PCNX1: variants seen among roughly 807,000 people sequenced by gnomAD.
The protein encoded by PCNX1 is pecanex 1.
A neutral mutation model predicts 242.2 loss-of-function variants in PCNX1; 78 were observed. That is an observed-to-expected ratio of 0.32 (90% CI 0.27 to 0.39). The LOEUF is 0.39. Among genes scored for constraint, PCNX1 ranks in the 10% least tolerant of loss-of-function variants. The pLI, the probability that PCNX1 is intolerant of heterozygous loss-of-function variation, is 1.00. For missense variants in PCNX1, 2,581 were observed against 2,856.5 expected, an observed-to-expected ratio of 0.90 and a Z score of 2.20; for synonymous variants, 1,024 against 1,032.9, an observed-to-expected ratio of 0.99 and a Z score of 0.17.
chr14:70,983,903 T>C (rs1566658673), intron 6 of PCNX1, among the ~76,000 whole-genome samples: 1 of 151,632 alleles, frequency 6.6e-6, no homozygotes, highest in Non-Finnish European at 1.5e-5. Flanking sequence ...GGAAAAACTA[T>C]TTAGATAAAG....
intron 8 of PCNX1, among the ~76,000 whole-genome samples, chr14:71,008,604 C>T (rs868645962): frequency 3.9e-4 from 54 of 137,338 alleles, no homozygotes; most frequent in Middle Eastern, 4.1e-3. Context: ...TGCAGTGAGC[C>T]GAGATTGCGC....
At chr14:71,005,499 CTCTG>C (rs1329863125) in intron 8 of PCNX1, among the ~76,000 whole-genome samples, 3 of 147,896 alleles carry the variant, frequency 2.0e-5, no homozygotes, top group South Asian at 2.2e-4. Context: ...CAGAGTGAGT[CTCTG>C]TCTAAAAAAA....
intron 6 of PCNX1, among the ~76,000 whole-genome samples, chr14:70,982,997 T>G (rs2058884659): frequency 6.6e-6 from 1 of 152,234 alleles, no homozygotes; most frequent in Non-Finnish European, 1.5e-5. Flanking sequence ...CTTTATGTAT[T>G]GTAGGTTCAT....
intron 23 of PCNX1, among the ~76,000 whole-genome samples, chr14:71,051,168 CAAAAAAAAAAAAAAA>C (rs758181078): frequency 2.2e-4 from 9 of 41,782 alleles, no homozygotes; most frequent in African/African-American, 8.6e-4. Flanking sequence ...AACTCTGTCT[CAAAAAAAAAAAAAAA>C]AAAAAAAAAA....
intron 1 of PCNX1, among the ~76,000 whole-genome samples, chr14:70,933,987 T>C (rs1295074922): frequency 6.6e-6 from 1 of 152,206 alleles, no homozygotes. Context: ...AAGGAGATAG[T>C]GAAAGTTATC....
At chr14:71,074,990 CTT>C (rs900279128) in intron 27 of PCNX1, among the ~76,000 whole-genome samples, 1,071 of 101,078 alleles carry the variant, frequency 0.011, 10 homozygotes, top group African/African-American at 0.038. Flanking sequence ...CTTTTCTTCT[CTT>C]TTTTTTTTTT....
At position 70,962,345 on chromosome 14, in the gene PCNX1, C is replaced by T. The variant is rs1267537968; in HGVS notation, c.468+14C>T. On this transcript the variant is annotated intron_variant, in intron 3 of 35. Coordinates refer to ENST00000304743, the MANE Select transcript of PCNX1 (RefSeq NM_014982.3). ...CCAAGCAACCAGGTAGGAACCTGCG[C>T]TGTTTTATTTTGCCTTTTTCCCTCC... 2 of 1,524,252 alleles carry T rather than the reference C, an allele frequency of 1.3e-6. No individual in the cohort carries two copies. The highest frequency in any genetic ancestry group is 1.8e-6 in the Non-Finnish European group (2 of 1,098,480). 94.4% of individuals were successfully genotyped at this position (1,524,252 alleles called of 1,614,324 possible).
At chr14:70,909,783 A>G (rs1427486443) in intron 1 of PCNX1, among the ~76,000 whole-genome samples, 1 of 151,988 alleles carries the variant, frequency 6.6e-6, no homozygotes, top group African/African-American at 2.4e-5. Context: ...ACTTTCTGAG[A>G]TTGCTTCTGA....
At chr14:71,102,879 C>A (rs1191077161) in intron 31 of PCNX1, among the ~76,000 whole-genome samples, 1 of 152,100 alleles carries the variant, frequency 6.6e-6, no homozygotes, top group East Asian at 1.9e-4. Context: ...AAAATGATAG[C>A]ATACCATGTA....
At chr14:71,100,638 T>C (rs2062438087) in intron 30 of PCNX1, among the ~76,000 whole-genome samples, 1 of 152,210 alleles carries the variant, frequency 6.6e-6, no homozygotes, top group South Asian at 2.1e-4. Flanking sequence ...TCCACCTTTC[T>C]AGCAAGATTA....
intron 1 of PCNX1, among the ~76,000 whole-genome samples, chr14:70,924,582 A>C (rs1480942339): frequency 6.6e-6 from 1 of 151,982 alleles, no homozygotes; most frequent in Non-Finnish European, 1.5e-5. Flanking sequence ...TAACTAGTTT[A>C]TTCCTTTATT....
intron 1 of PCNX1, among the ~76,000 whole-genome samples, chr14:70,945,192 A>C (rs1594978380): frequency 6.6e-6 from 1 of 152,190 alleles, no homozygotes; most frequent in Admixed American, 6.5e-5. Context: ...AATAGTGAAC[A>C]AAAAGACACC....
chr14:70,932,738 G>A (rs532704520), intron 1 of PCNX1, among the ~76,000 whole-genome samples: 3 of 151,880 alleles, frequency 2.0e-5, no homozygotes, highest in South Asian at 4.2e-4. Context: ...TCAGCCTCCC[G>A]AGTAGCTGGG....
intron 22 of PCNX1, among the ~76,000 whole-genome samples, chr14:71,048,381 A>T (rs2060925384): frequency 6.6e-6 from 1 of 152,188 alleles, no homozygotes; most frequent in Admixed American, 6.6e-5. Flanking sequence ...AGCAGTCAGA[A>T]ATTAGCTTGA....
At chr14:71,057,458 T>C (rs2061213700) in intron 25 of PCNX1, 51 bp from the exon 26 acceptor site, 1 of 1,143,362 alleles carries the variant, frequency 8.7e-7, no homozygotes, top group Non-Finnish European at 1.3e-6. Flanking sequence ...ATCTTGTTTG[T>C]CAAGAGGACT....
At chr14:71,045,798 G>A (rs1299432907) in intron 20 of PCNX1, among the ~76,000 whole-genome samples, 1 of 152,170 alleles carries the variant, frequency 6.6e-6, no homozygotes, top group Non-Finnish European at 1.5e-5. Flanking sequence ...TTTAATAGCT[G>A]TTATTAGTTC....
rs184681162 is a variant in PCNX1, at chr14:71,098,149, C to T, written c.5590-3841C>T. 7.9e-5 allele frequency among the ~76,000 whole-genome samples: 12 copies of T among 152,258 alleles called. No homozygotes were observed. In the East Asian group the frequency reaches 2.3e-3, roughly 29 times the overall value. On this transcript the variant is annotated intron_variant, in intron 30 of 35. Transcript: ENST00000304743. The stretch of plus-strand genomic sequence containing the variant: ...CATTCTGTTCCATTGGTCTGTATGT[C>T]TGTCTTTTACCAGTACCGTGCTATT...
At chr14:71,000,114 G>A (rs796436206) in intron 8 of PCNX1, among the ~76,000 whole-genome samples, 85 of 151,908 alleles carry the variant, frequency 5.6e-4, no homozygotes, top group African/African-American at 2.0e-3. Context: ...GGGGTGAGGG[G>A]CAACAAAGTA....
rs761457755 is a variant in PCNX1, at chr14:71,036,055, T to A, written c.3775-10T>A. The A allele has an allele frequency of 6.6e-6, 10 of 1,526,704 alleles. No individual in the cohort carries two copies. Among genetic ancestry groups the A allele is most frequent in the Non-Finnish European group, 9.0e-6 (10 of 1,113,750 alleles). The allele number at this position is 1,526,704 out of a possible 1,614,324, so 94.6% of individuals were successfully genotyped here. ...TGTAATTGTTTAATAATTCTTTTTT[T>A]TCCCCACAGAGTGAGCGATTACAGT... On this transcript the variant is annotated splice_polypyrimidine_tract_variant and intron_variant, in intron 18 of 35. Transcript: ENST00000304743.
Sources: gnomAD v4.1 joint callset for allele counts (sites outside exome capture counted in the v4.1 genomes callset) on GRCh38, gnomAD v4.1.1 for gene constraint, MANE v1.5 for transcripts, NCBI Gene and HGNC (gene_info 2026-07-23, HGNC 2026-07-21) for gene names.